APCDD1: variants seen among roughly 807,000 people sequenced by gnomAD.
The protein encoded by APCDD1 is protein APCDD1.
Under a neutral mutation model 38.1 loss-of-function variants are expected in APCDD1, and 15 were observed. The ratio of observed to expected loss-of-function variants is 0.39; its 90% CI spans 0.26 to 0.61. APCDD1 has a LOEUF of 0.61. Among genes scored for constraint, APCDD1 ranks in the 20% least tolerant of loss-of-function variants. The pLI is 0.49. For synonymous variants in APCDD1, 261 were observed against 279.7 expected (o/e 0.93, Z 0.67); for missense variants, 647 against 696.2 (o/e 0.93, Z 0.79).
Position 10,475,793 on chromosome 18 carries a change from A to AGGGG in APCDD1, c.774+3741_774+3744dup, listed in dbSNP as rs58043724. ...GCCTAGCTGCCTCGCAAGATGGCTG[A>AGGGG]GGGGGGGGGGGGTCAGTGGAAGGCC... On this transcript the variant is annotated intron_variant, in intron 3 of 4. Transcript: ENST00000355285. The surrounding 1 kb of genome is among the most constrained non-coding windows in gnomAD (Gnocchi z 4.0). The AGGGG allele has an allele frequency of 1.0e-5, 1 of 95,504 alleles. No homozygotes were observed. The highest frequency in any genetic ancestry group is 4.0e-5 in the African/African-American group (1 of 24,772). The allele number at this position is 95,504 out of a possible 1,614,324, so 5.9% of individuals were successfully genotyped here. A position where few individuals can be genotyped will look rare whatever the true frequency, so the allele number is the denominator to read the frequency against.
intron 1 of APCDD1, among the ~76,000 whole-genome samples, chr18:10,456,531 A>G (rs1167150831): frequency 6.6e-6 from 1 of 152,264 alleles, no homozygotes; most frequent in Non-Finnish European, 1.5e-5. Flanking sequence ...TAAAATTTAA[A>G]AAATTACTTA....
Position 10,454,669 on chromosome 18 carries a change from C to A in APCDD1, c.-313C>A. On this transcript the variant is annotated 5_prime_UTR_variant, in exon 1 of 5. Transcript: ENST00000355285. ...CTGCAGCTGCGGTGGCGGTGGCGGC[C>A]ACTGCAGCTCAGAGCGGCGCACGCG... 9.9e-7 allele frequency: 1 copy of A among 1,008,752 alleles called. No homozygotes were observed. Among genetic ancestry groups the A allele is most frequent in the Non-Finnish European group, 1.2e-6 (1 of 846,944 alleles). The allele number at this position is 1,008,752 out of a possible 1,614,324, so 62.5% of individuals were successfully genotyped here.
intron 4 of APCDD1, among the ~76,000 whole-genome samples, chr18:10,486,361 CAA>C (rs2031249786): frequency 6.6e-6 from 1 of 151,966 alleles, no homozygotes; most frequent in Non-Finnish European, 1.5e-5. Context: ...CTCTAAAAAA[CAA>C]AAAAAGAAAT....
In APCDD1 at chr18:10,454,663, G is replaced by A; in HGVS notation, c.-319G>A. The A allele has an allele frequency of 1.9e-6, 2 of 1,033,818 alleles. No homozygotes were observed. Among genetic ancestry groups the A allele is most frequent in the Non-Finnish European group, 2.3e-6 (2 of 863,342 alleles). 64.0% of individuals were successfully genotyped at this position (1,033,818 alleles called of 1,614,324 possible). Reference sequence around the variant, plus strand: ...GAGACGCTGCAGCTGCGGTGGCGGTGGCGGCCACTGCAGCTCAGAGCGGCG... The same window carrying A: ...GAGACGCTGCAGCTGCGGTGGCGGTAGCGGCCACTGCAGCTCAGAGCGGCG... On this transcript the variant is annotated 5_prime_UTR_variant, in exon 1 of 5. Coordinates refer to ENST00000355285, the MANE Select transcript of APCDD1 (RefSeq NM_153000.5).
At position 10,487,685 on chromosome 18, in the gene APCDD1, G is replaced by C. The variant is rs2031278602; in HGVS notation, c.1192G>C (p.Val398Leu). 9.9e-6 allele frequency: 16 copies of C among 1,614,090 alleles called. No homozygotes were observed. The highest frequency in any genetic ancestry group is 1.4e-5 in the Non-Finnish European group (16 of 1,180,058). The change falls in exon 5 of 5, where the codon GTG becomes CTG. Residue 398 changes from valine to leucine, a missense_variant. Physicochemically the swap from Val to Leu is conservative, Grantham distance 32. Transcript: ENST00000355285. Reference protein sequence around the residue: ...NECGAEGSWQVGIQQDVTHTN... With the variant: ...NECGAEGSWQLGIQQDVTHTN... ...GTGCGGGGCCGAGGGCTCCTGGCAG[G>C]TGGGCATCCAGCAGGATGTGACCCA...
At position 10,471,582 on chromosome 18, in the gene APCDD1, C is replaced by T. The variant is rs1286624884; in HGVS notation, c.295C>T (p.His99Tyr). Residue 99 changes from histidine to tyrosine, a missense_variant, in exon 3 of 5, where the codon CAC (histidine) becomes TAC (tyrosine). Transcript: ENST00000355285. The surrounding 1 kb of genome is among the most constrained non-coding windows in gnomAD (Gnocchi z 5.5). ...EFITRSYRFY[H>Y]NNTFKAYQFY... is the part of the protein sequence containing the mutation. ...CATCACAAGGTCCTACAGATTCTACCACAATAACACCTTCAAGGCCTACCA... is the reference window on the plus strand; with the variant it reads ...CATCACAAGGTCCTACAGATTCTACTACAATAACACCTTCAAGGCCTACCA... The T allele has an allele frequency of 2.5e-6, 4 of 1,614,190 alleles. No homozygotes were observed. The African/African-American group carries it at 5.3e-5, about 22-fold the overall frequency.
chr18:10,478,184 T>C (rs1191767297), intron 3 of APCDD1, among the ~76,000 whole-genome samples: 1 of 152,200 alleles, frequency 6.6e-6, no homozygotes, highest in Non-Finnish European at 1.5e-5. Context: ...TGGTTTCTCC[T>C]TTTCTCCCTC....
At position 10,455,163 on chromosome 18, in the gene APCDD1, T is replaced by C. The variant is rs1036279206; in HGVS notation, c.58+124T>C. 6.4e-6 allele frequency: 9 copies of C among 1,410,652 alleles called. No individual in the cohort carries two copies. The African/African-American group carries it at 1.2e-4, about 19-fold the overall frequency. 87.4% of individuals were successfully genotyped at this position (1,410,652 alleles called of 1,614,324 possible). A position where few individuals can be genotyped will look rare whatever the true frequency, so the allele number is the denominator to read the frequency against. ...TACACTGTCCCCTTGGCGGGGCGGG[T>C]CCGAGGGGAGCCCCGCGCCTGCCGT... On this transcript the variant is annotated intron_variant, in intron 1 of 4. Transcript: ENST00000355285.
At chr18:10,474,541 T>G (rs1405765797) in intron 3 of APCDD1, among the ~76,000 whole-genome samples, 4 of 152,210 alleles carry the variant, frequency 2.6e-5, no homozygotes, top group Admixed American at 2.0e-4. Flanking sequence ...CTTGGACTAG[T>G]CCTTTGCACC....
rs539204728 is a variant in APCDD1, at chr18:10,488,010, C to T, written c.1517C>T (p.Pro506Leu). ...CTGGCTGCACTTGCCTGCCTTGTCC[C>T]TCTGCTGCATTGGAACATCCGCAGA... ...LLLAALACLV[P>L]LLHWNIRR The change falls in exon 5 of 5, where the codon CCT becomes CTT. Residue 506 changes from proline (P) to leucine (L), a missense_variant. By Grantham distance (98) the Pro-to-Leu change is moderately conservative (BLOSUM62 -3). Coordinates refer to ENST00000355285, the MANE Select transcript of APCDD1 (RefSeq NM_153000.5). 2 of 1,613,882 alleles carry T rather than the reference C, an allele frequency of 1.2e-6. No individual in the cohort carries two copies. The highest frequency in any genetic ancestry group is 2.2e-5 in the East Asian group (1 of 44,890).
chr18:10,479,399 A>G (rs73942642), intron 3 of APCDD1, among the ~76,000 whole-genome samples: 7,675 of 152,302 alleles, frequency 0.05, 265 homozygotes, highest in African/African-American at 0.087. Flanking sequence ...GATCACATCA[A>G]GTAATTTCTT....
intron 1 of APCDD1, 64 bp from the exon 2 acceptor site, chr18:10,468,405 T>G (rs1598396609): frequency 1.3e-6 from 2 of 1,564,988 alleles, no homozygotes; most frequent in Admixed American, 1.7e-5. Flanking sequence ...GAGGTGGTTG[T>G]TTGGCCTGAT....
At position 10,485,755 on chromosome 18, in the gene APCDD1, C is replaced by T. The variant is rs769435838; in HGVS notation, c.1068C>T (p.Val356=). The T allele has an allele frequency of 1.2e-6, 2 of 1,613,656 alleles. No homozygotes were observed. The highest frequency in any genetic ancestry group is 1.7e-6 in the Non-Finnish European group (2 of 1,180,024). ...RYSRGVLSSR[V]MGGTEFVFKV... Reference sequence around the variant, plus strand: ...GCCGCGGCGTCCTCTCGTCCAGGGTCATGGGAGGCACCGAGTTCGTGTTCA... The same window carrying T: ...GCCGCGGCGTCCTCTCGTCCAGGGTTATGGGAGGCACCGAGTTCGTGTTCA... Residue 356 remains valine (V), a synonymous_variant, in exon 4 of 5, where the codon GTC becomes GTT. Coordinates refer to ENST00000355285, the MANE Select transcript of APCDD1 (RefSeq NM_153000.5). The surrounding 1 kb of genome is among the most constrained non-coding windows in gnomAD (Gnocchi z 5.8).
chr18:10,468,929 C>A (rs1026886425), intron 2 of APCDD1, among the ~76,000 whole-genome samples: 13 of 152,188 alleles, frequency 8.5e-5, no homozygotes, highest in African/African-American at 3.1e-4. Context: ...CTCTATGGGA[C>A]CACTTGTGTA....
At chr18:10,455,815 CAG>C (rs1409121095) in intron 1 of APCDD1, among the ~76,000 whole-genome samples, 1 of 152,140 alleles carries the variant, frequency 6.6e-6, no homozygotes, top group Non-Finnish European at 1.5e-5. Context: ...AACACCAAGA[CAG>C]AATTTCTTTG....
At chr18:10,465,916 G>A (rs1345617314) in intron 1 of APCDD1, among the ~76,000 whole-genome samples, 3 of 152,288 alleles carry the variant, frequency 2.0e-5, no homozygotes, top group African/African-American at 7.2e-5. Context: ...TTGAGCAGCC[G>A]AGCTATAGAG....
chr18:10,471,719 C>G lies in APCDD1; in HGVS notation c.432C>G (p.Asp144Glu). ...SWIIRGGTEA[D>E]YQLHNVQVIC... is the part of the protein sequence containing the mutation. The stretch of plus-strand genomic sequence containing the variant: ...TCATCCGAGGGGGCACGGAAGCCGA[C>G]TACCAGCTGCACAACGTCCAGGTGA... Residue 144 changes from aspartate to glutamate, a missense_variant, in exon 3 of 5, where the codon GAC becomes GAG. Transcript: ENST00000355285. This position sits in a 1 kb window ranked among gnomAD's most constrained non-coding sequence, Gnocchi z 5.5. 6.2e-7 allele frequency: 1 copy of G among 1,614,172 alleles called. No homozygotes were observed. The highest frequency in any genetic ancestry group is 8.5e-7 in the Non-Finnish European group (1 of 1,180,042).
At chr18:10,455,160 G>C in intron 1 of APCDD1, 121 bp downstream of exon 1, 1 of 1,415,586 alleles carries the variant, frequency 7.1e-7, no homozygotes, top group Non-Finnish European at 9.3e-7. Flanking sequence ...TTGGCGGGGC[G>C]GGTCCGAGGG....
At position 10,485,412 on chromosome 18, in the gene APCDD1, C is replaced by T. The variant is rs375344712; in HGVS notation, c.775-50C>T. 840 of 1,603,326 alleles carry T rather than the reference C, an allele frequency of 5.2e-4. 2 individuals are homozygous for T. The highest frequency in any genetic ancestry group is 6.4e-4 in the South Asian group (58 of 90,904). On this transcript the variant is annotated intron_variant, in intron 3 of 4. Coordinates refer to ENST00000355285, the MANE Select transcript of APCDD1 (RefSeq NM_153000.5). This position sits in a 1 kb window ranked among gnomAD's most constrained non-coding sequence, Gnocchi z 5.8. ...ATTTGCCGGAAGCATGTGTGCACTG[C>T]TCCCTTGGGAAGATAGAGGCCTCTG...
Sources: allele counts gnomAD v4.1 joint callset (sites outside exome capture counted in the v4.1 genomes callset), GRCh38; gene constraint gnomAD v4.1.1; non-coding constraint Gnocchi (gnomAD v3.1); transcripts MANE v1.5; gene names NCBI Gene and HGNC (gene_info 2026-07-23, HGNC 2026-07-21).